Variants in FGD4 observed in about 807,000 individuals in gnomAD.
FGD4 encodes the protein FYVE, RhoGEF and PH domain containing 4.
Under a neutral mutation model 102.0 loss-of-function variants are expected in FGD4, and 42 were observed. That is an observed-to-expected ratio of 0.41 (90% CI 0.32 to 0.53). FGD4 has a LOEUF of 0.53. Among genes scored for constraint, FGD4 ranks in the 20% least tolerant of loss-of-function variants. The probability of loss-of-function intolerance (pLI) is 0.21; values close to 1 mark genes in which losing one functional copy is unlikely to be tolerated. For synonymous variants in FGD4, 380 were observed against 375.7 expected, an observed-to-expected ratio of 1.01 and a Z score of -0.13; for missense variants, 902 against 1,078.2, an observed-to-expected ratio of 0.84 and a Z score of 2.29.
chr12:32,543,470 G>A (rs1365801855), intron 1 of FGD4, among the ~76,000 whole-genome samples: 2 of 152,098 alleles, frequency 1.3e-5, no homozygotes, highest in Non-Finnish European at 2.9e-5. Context: ...TCATTACTTG[G>A]TCTTTCTGGC....
intron 1 of FGD4, among the ~76,000 whole-genome samples, chr12:32,529,718 C>G (rs2136821658): frequency 1.3e-5 from 2 of 151,816 alleles, no homozygotes; most frequent in East Asian, 3.9e-4. Context: ...TGGCCCATAC[C>G]TGTAATCCCA....
At chr12:32,504,449 T>C (rs575604953) in intron 1 of FGD4, among the ~76,000 whole-genome samples, 31 of 152,280 alleles carry the variant, frequency 2.0e-4, no homozygotes, top group African/African-American at 6.7e-4. Context: ...CAGCTTCTTA[T>C]AGTAGGGAAT....
At chr12:32,484,062 T>C (rs1016985144) in intron 1 of FGD4, among the ~76,000 whole-genome samples, 9 of 152,158 alleles carry the variant, frequency 5.9e-5, no homozygotes, top group African/African-American at 2.2e-4. Context: ...TTTGGATGTA[T>C]AATACCTTGG....
chr12:32,510,331 ATGAAATG>A (rs1343711985), intron 1 of FGD4, among the ~76,000 whole-genome samples: 1 of 152,222 alleles, frequency 6.6e-6, no homozygotes, highest in African/African-American at 2.4e-5. Flanking sequence ...AATGCTCACA[ATGAAATG>A]TTAAATGTAT....
chr12:32,584,690 G>A (rs1946866628), intron 4 of FGD4, among the ~76,000 whole-genome samples: 1 of 151,928 alleles, frequency 6.6e-6, no homozygotes, highest in African/African-American at 2.4e-5. Context: ...TGTTAGCATA[G>A]CACACCAGAT....
chr12:32,583,555 G>A (rs1389901965), intron 4 of FGD4, among the ~76,000 whole-genome samples: 2 of 152,138 alleles, frequency 1.3e-5, no homozygotes, highest in East Asian at 3.9e-4. Context: ...AAGCAGCCAT[G>A]GGTAATAAGC....
chr12:32,481,489 A>C (rs567474924), intron 1 of FGD4, among the ~76,000 whole-genome samples: 1 of 152,276 alleles, frequency 6.6e-6, no homozygotes, highest in East Asian at 1.9e-4. Flanking sequence ...ATATATCCAG[A>C]CTTTAGACCT....
At chr12:32,631,955 TAAAC>T (rs906299116) in intron 14 of FGD4, among the ~76,000 whole-genome samples, 2 of 152,190 alleles carry the variant, frequency 1.3e-5, no homozygotes, top group African/African-American at 4.8e-5. Flanking sequence ...GATTTGAAAA[TAAAC>T]AAAATGGATG....
At chr12:32,502,997 A>G (rs1032753764) in intron 1 of FGD4, among the ~76,000 whole-genome samples, 2 of 152,178 alleles carry the variant, frequency 1.3e-5, no homozygotes, top group African/African-American at 4.8e-5. Flanking sequence ...TGTGTGTTGC[A>G]TATTGTGAGC....
At chr12:32,418,304 C>T (rs1941501884) in intron 1 of FGD4, among the ~76,000 whole-genome samples, 1 of 152,098 alleles carries the variant, frequency 6.6e-6, no homozygotes, top group East Asian at 1.9e-4. Context: ...GGATGGTCTT[C>T]ATCCTTGTAG....
At chr12:32,414,763 T>C (rs1941339179) in intron 1 of FGD4, among the ~76,000 whole-genome samples, 1 of 152,230 alleles carries the variant, frequency 6.6e-6, no homozygotes, top group Non-Finnish European at 1.5e-5. Context: ...TTTATTGATA[T>C]TTTGTATTTT....
Position 32,607,658 on chromosome 12 carries a change from G to A in FGD4, c.1405-299G>A, listed in dbSNP as rs143290666. 1.2e-4 allele frequency among the ~76,000 whole-genome samples: 19 copies of A among 152,294 alleles called. No individual in the cohort carries two copies. In the East Asian group the frequency reaches 2.3e-3, roughly 19 times the overall value. On this transcript the variant is annotated intron_variant, in intron 7 of 16. Transcript: ENST00000534526. ...AGCCTCCGCATAGCTGGGACTACAG[G>A]CGTGTGCCACCACGCCTGGCTAATT...
intron 1 of FGD4, among the ~76,000 whole-genome samples, chr12:32,485,436 A>T (rs1232643501): frequency 2.6e-5 from 3 of 114,198 alleles, no homozygotes; most frequent in Non-Finnish European, 1.7e-5. Context: ...TTTAAGACCA[A>T]TTTTTTTTTT....
chr12:32,560,675 G>A (rs976829718), intron 1 of FGD4, among the ~76,000 whole-genome samples: 4 of 151,976 alleles, frequency 2.6e-5, no homozygotes, highest in African/African-American at 7.3e-5. Flanking sequence ...TATGTCTGAT[G>A]AGGACCACCC....
intron 1 of FGD4, among the ~76,000 whole-genome samples, chr12:32,518,693 A>AT (rs1157759355): frequency 2.0e-5 from 3 of 152,098 alleles, no homozygotes; most frequent in African/African-American, 7.2e-5. Flanking sequence ...AGATGATGTT[A>AT]TTTTAGATAG....
rs770560590 is a variant in FGD4, at chr12:32,422,288, C to CTTTTTTTTTTT, written c.166+22347_166+22357dup. 1.2e-3 allele frequency among the ~76,000 whole-genome samples: 67 copies of CTTTTTTTTTTT among 54,174 alleles called. 8 individuals carry two copies. Among genetic ancestry groups the CTTTTTTTTTTT allele is most frequent in the Non-Finnish European group, 1.8e-3 (54 of 30,242 alleles). 35.5% of individuals were successfully genotyped at this position (54,174 alleles called of 152,430 possible). On this transcript the variant is annotated intron_variant, in intron 1 of 16. Coordinates refer to ENST00000534526, the MANE Select transcript of FGD4 (RefSeq NM_001370298.3). ...TTGAAGCATCTCAAATTGGGAGCTG[C>CTTTTTTTTTTT]TTTTTTTTTTTTTTTTTTTTTTTTT...
At chr12:32,531,070 G>A (rs1170145292) in intron 1 of FGD4, among the ~76,000 whole-genome samples, 1 of 145,646 alleles carries the variant, frequency 6.9e-6, no homozygotes, top group Non-Finnish European at 1.5e-5. Context: ...TCCTGCCTCA[G>A]TCTCCCAAGT....
intron 15 of FGD4, 148 bp from the exon 16 acceptor site, chr12:32,638,507 C>T: frequency 9.1e-7 from 1 of 1,101,862 alleles, no homozygotes. Flanking sequence ...TAAATATTTT[C>T]CATGTTAAAA....
intron 1 of FGD4, among the ~76,000 whole-genome samples, chr12:32,514,108 A>G (rs1939653946): frequency 6.6e-6 from 1 of 152,222 alleles, no homozygotes; most frequent in Admixed American, 6.5e-5. Flanking sequence ...TCAACAGGTG[A>G]CTGTACCCTT....
Sources: allele counts gnomAD v4.1 joint callset (sites outside exome capture counted in the v4.1 genomes callset), GRCh38; gene constraint gnomAD v4.1.1; transcripts MANE v1.5; gene names NCBI Gene and HGNC (gene_info 2026-07-23, HGNC 2026-07-21).